The following IFTAP variants were observed in gnomAD, a reference collection of about 807,000 sequenced individuals.
The protein encoded by IFTAP is intraflagellar transport associated protein.
IFTAP carries 19 observed loss-of-function variants against 19.4 expected under a neutral mutation model. That is an observed-to-expected ratio of 0.98 (90% CI 0.68 to 1.44). The LOEUF (loss-of-function observed/expected upper bound fraction) is 1.44. IFTAP is among the 40% of genes most tolerant of loss of function. The pLI is 0.00. For synonymous variants in IFTAP, 85 were observed against 83.5 expected (o/e 1.02, Z -0.10); for missense variants, 240 against 253.6 (o/e 0.95, Z 0.36).
intron 2 of IFTAP, among the ~76,000 whole-genome samples, chr11:36,624,832 G>T (rs758050418): frequency 6.7e-6 from 1 of 149,362 alleles, no homozygotes; most frequent in Non-Finnish European, 1.5e-5. Context: ...AGATGACTTT[G>T]TGGAGCAAGG....
intron 2 of IFTAP, among the ~76,000 whole-genome samples, chr11:36,618,172 C>T (rs749327125): frequency 9.9e-5 from 15 of 151,922 alleles, no homozygotes; most frequent in Non-Finnish European, 1.5e-4. Context: ...CCCTAACCCC[C>T]AACGTGGACT....
chr11:36,635,090 C>G (rs1852887774), intron 3 of IFTAP, among the ~76,000 whole-genome samples: 1 of 152,068 alleles, frequency 6.6e-6, no homozygotes, highest in Non-Finnish European at 1.5e-5. Context: ...ATGGCAGTAC[C>G]ATTTAAAATT....
chr11:36,632,669 AAAC>A (rs755134480), intron 2 of IFTAP, among the ~76,000 whole-genome samples: 13 of 151,300 alleles, frequency 8.6e-5, no homozygotes, highest in Non-Finnish European at 1.5e-4. Flanking sequence ...TTGGTTAAAT[AAAC>A]TATCTTACAT....
intron 2 of IFTAP, among the ~76,000 whole-genome samples, chr11:36,620,887 TAC>T (rs894228587): frequency 1.8e-4 from 28 of 152,026 alleles, no homozygotes; most frequent in Admixed American, 9.9e-4. Flanking sequence ...CTTGAAAAGA[TAC>T]ACATCTTTTC....
At chr11:36,595,622 A>G (rs1319368461) in intron 1 of IFTAP, among the ~76,000 whole-genome samples, 1 of 152,216 alleles carries the variant, frequency 6.6e-6, no homozygotes, top group Non-Finnish European at 1.5e-5. Context: ...AAGTTATGTA[A>G]CCTCTGTGTG....
At chr11:36,600,832 A>C (rs1424594093) in intron 1 of IFTAP, among the ~76,000 whole-genome samples, 1 of 152,234 alleles carries the variant, frequency 6.6e-6, no homozygotes, top group Non-Finnish European at 1.5e-5. Flanking sequence ...GTAATGGGAT[A>C]TCCTGGCCTA....
chr11:36,647,900 G>A (rs191156813), intron 4 of IFTAP, 116 bp from the exon 5 acceptor site: 34 of 1,223,712 alleles, frequency 2.8e-5, no homozygotes, highest in South Asian at 2.7e-4. Flanking sequence ...TTGTGAAATG[G>A]ATCTACATTA....
intron 4 of IFTAP, among the ~76,000 whole-genome samples, chr11:36,642,936 GA>G (rs1390350851): frequency 6.6e-6 from 1 of 152,172 alleles, no homozygotes; most frequent in Non-Finnish European, 1.5e-5. Flanking sequence ...CATTCCCTTT[GA>G]AAACTGGCAC....
chr11:36,613,776 A>G (rs1308052531), intron 2 of IFTAP, among the ~76,000 whole-genome samples: 1 of 152,076 alleles, frequency 6.6e-6, no homozygotes, highest in African/African-American at 2.4e-5. Flanking sequence ...TCCATTGGTG[A>G]TGGTTCTTTG....
chr11:36,624,197 G>GCACCCACACACCCATGCACACACTCA (rs978329606), intron 2 of IFTAP, among the ~76,000 whole-genome samples: 1 of 151,878 alleles, frequency 6.6e-6, no homozygotes, highest in East Asian at 1.9e-4. Context: ...AGAGGTACCA[G>GCACCCACACACCCATGCACACACTCA]CACCCACACA....
chr11:36,630,784 A>G (rs1852696881), intron 2 of IFTAP, among the ~76,000 whole-genome samples: 1 of 151,336 alleles, frequency 6.6e-6, no homozygotes, highest in African/African-American at 2.5e-5. Flanking sequence ...TTTAGGTTAT[A>G]CTTGATTTAA....
At chr11:36,652,725 C>A (rs1192312434) in intron 5 of IFTAP, among the ~76,000 whole-genome samples, 1 of 151,990 alleles carries the variant, frequency 6.6e-6, no homozygotes, top group Non-Finnish European at 1.5e-5. Context: ...GAGATACATC[C>A]CATCAATACT....
chr11:36,651,051 A>T (rs915420683), intron 5 of IFTAP, among the ~76,000 whole-genome samples: 2 of 152,198 alleles, frequency 1.3e-5, no homozygotes, highest in African/African-American at 4.8e-5. Flanking sequence ...CATGATTTAT[A>T]ATCCTTTGGG....
chr11:36,626,129 TCTTA>T (rs941903217), intron 2 of IFTAP, among the ~76,000 whole-genome samples: 3 of 151,178 alleles, frequency 2.0e-5, no homozygotes, highest in African/African-American at 7.4e-5. Context: ...TTTGCACCCT[TCTTA>T]CTTATGGCCT....
At chr11:36,624,178 A>C (rs911780438) in intron 2 of IFTAP, among the ~76,000 whole-genome samples, 1 of 152,044 alleles carries the variant, frequency 6.6e-6, no homozygotes, top group Non-Finnish European at 1.5e-5. Context: ...CAAAAATTAG[A>C]AAATACTCAG....
In IFTAP at chr11:36,628,142, G is replaced by A. The variant is rs539054593; in HGVS notation, c.137-5142G>A. 6.7e-5 allele frequency among the ~76,000 whole-genome samples: 10 copies of A among 149,560 alleles called. 1 individual carries two copies. The highest frequency in any genetic ancestry group is 2.5e-4 in the African/African-American group (10 of 39,746). ...CCACTTTGATCCATTCTATCCATTT[G>A]TCTTCTTAGAGCACAGCTCTAATTG... On this transcript the variant is annotated intron_variant, in intron 2 of 5. Coordinates refer to ENST00000334307, the MANE Select transcript of IFTAP (RefSeq NM_138787.4).
chr11:36,658,958 C>A, intron 5 of IFTAP, 61 bp from the exon 6 acceptor site: 3 of 1,284,230 alleles, frequency 2.3e-6, no homozygotes, highest in Admixed American at 3.0e-5. Flanking sequence ...GTTAATTTTT[C>A]AACTTTATCT....
At chr11:36,604,732 T>A (rs1396210178) in intron 1 of IFTAP, among the ~76,000 whole-genome samples, 2 of 152,120 alleles carry the variant, frequency 1.3e-5, no homozygotes, top group Admixed American at 1.3e-4. Context: ...TGACTATTTA[T>A]GATGAGAGAA....
chr11:36,651,802 A>G (rs962972686), intron 5 of IFTAP, among the ~76,000 whole-genome samples: 4 of 152,172 alleles, frequency 2.6e-5, no homozygotes, highest in African/African-American at 9.7e-5. Context: ...CCATTTATTT[A>G]ATAGGGAATC....
Sources: allele counts gnomAD v4.1 joint callset (sites outside exome capture counted in the v4.1 genomes callset), GRCh38; gene constraint gnomAD v4.1.1; transcripts MANE v1.5; gene names NCBI Gene and HGNC (gene_info 2026-07-23, HGNC 2026-07-21).